Variants in SRGAP1 observed in about 807,000 individuals in gnomAD.
SRGAP1 encodes SLIT-ROBO Rho GTPase-activating protein 1.
A neutral mutation model predicts 121.9 loss-of-function variants in SRGAP1; 43 were observed. The observed-to-expected ratio is 0.35, with a 90% CI of 0.28 to 0.46. The LOEUF is 0.46. Among genes scored for constraint, SRGAP1 ranks in the 20% least tolerant of loss-of-function variants. The pLI is 1.00. For synonymous variants in SRGAP1, 447 were observed against 485.4 expected, an observed-to-expected ratio of 0.92 and a Z score of 1.04; for missense variants, 1,102 against 1,350.9, an observed-to-expected ratio of 0.82 and a Z score of 2.89.
At position 64,144,010 on chromosome 12, in the gene SRGAP1, G is replaced by T. The variant is rs2037009885; in HGVS notation, c.*1338G>T. 6.6e-6 allele frequency: 1 copy of T among 152,018 alleles called. No homozygotes were observed. Among genetic ancestry groups the T allele is most frequent in the Non-Finnish European group, 1.5e-5 (1 of 68,044 alleles). The allele number at this position is 152,018 out of a possible 1,614,324, so 9.4% of individuals were successfully genotyped here. A position where few individuals can be genotyped will look rare whatever the true frequency, so the allele number is the denominator to read the frequency against. ...CTTTTTGGTTTTGGTTTTGTATGTG[G>T]GCTCTATGTAACTCCCATAGTCAGC... On this transcript the variant is annotated 3_prime_UTR_variant, in exon 22 of 22. Coordinates refer to ENST00000355086, the MANE Select transcript of SRGAP1 (RefSeq NM_020762.4).
At position 64,097,238 on chromosome 12, in the gene SRGAP1, T is replaced by A. The variant is rs79038246; in HGVS notation, c.1679-3T>A. 1.3e-6 allele frequency: 2 copies of A among 1,567,874 alleles called. No individual in the cohort carries two copies. The highest frequency in any genetic ancestry group is 1.7e-6 in the Non-Finnish European group (2 of 1,168,278). The stretch of plus-strand genomic sequence containing the variant: ...ATGTAATGAGTTTTTTTTTTTTTTT[T>A]AGGTGAAAATCCTTTGGCTGATGAC... On this transcript the variant is annotated splice_region_variant and splice_polypyrimidine_tract_variant and intron_variant, in intron 14 of 21. Transcript: ENST00000355086.
chr12:64,026,865 CA>C (rs35172854), intron 4 of SRGAP1, among the ~76,000 whole-genome samples: 153 of 133,946 alleles, frequency 1.1e-3, no homozygotes, highest in Middle Eastern at 7.9e-3. Context: ...GACTCCATCT[CA>C]AAAAAAAAAA....
intron 1 of SRGAP1, among the ~76,000 whole-genome samples, chr12:63,861,728 C>G (rs561890801): frequency 2.6e-5 from 4 of 152,064 alleles, no homozygotes; most frequent in African/African-American, 9.7e-5. Flanking sequence ...TGGCTTATTC[C>G]GTAATCCCAA....
intron 1 of SRGAP1, among the ~76,000 whole-genome samples, chr12:63,918,435 T>A (rs953643023): frequency 3.3e-5 from 5 of 152,138 alleles, no homozygotes; most frequent in African/African-American, 1.2e-4. Flanking sequence ...TCTCTTTTTT[T>A]AAGACAAGCC....
At chr12:64,065,599 G>A (rs539287333) in intron 8 of SRGAP1, among the ~76,000 whole-genome samples, 1 of 152,250 alleles carries the variant, frequency 6.6e-6, no homozygotes, top group African/African-American at 2.4e-5. Flanking sequence ...TTGTAGAGAT[G>A]GGGCCTTGCT....
chr12:64,071,339 C>G (rs1001531620), intron 8 of SRGAP1, among the ~76,000 whole-genome samples: 1 of 152,092 alleles, frequency 6.6e-6, no homozygotes, highest in Admixed American at 6.5e-5. Context: ...AGAAACCACT[C>G]GTTTTCTCTG....
chr12:64,001,623 C>T (rs1256119573), intron 3 of SRGAP1, among the ~76,000 whole-genome samples: 1 of 152,300 alleles, frequency 6.6e-6, no homozygotes, highest in East Asian at 1.9e-4. Context: ...CCAAATATTA[C>T]ACATATATTG....
chr12:64,008,502 AT>A (rs1477721450), intron 3 of SRGAP1, among the ~76,000 whole-genome samples: 4 of 152,178 alleles, frequency 2.6e-5, no homozygotes, highest in Non-Finnish European at 4.4e-5. Flanking sequence ...TTTCGTTTAA[AT>A]TTTTAAAGAT....
chr12:63,865,227 C>G (rs1043309403), intron 1 of SRGAP1, among the ~76,000 whole-genome samples: 25 of 152,162 alleles, frequency 1.6e-4, no homozygotes, highest in African/African-American at 6.0e-4. Flanking sequence ...GAGGCTGAGG[C>G]GGGCAGATCA....
At chr12:63,866,897 C>G (rs1368725252) in intron 1 of SRGAP1, among the ~76,000 whole-genome samples, 4 of 150,444 alleles carry the variant, frequency 2.7e-5, no homozygotes, top group African/African-American at 9.8e-5. Context: ...GAGACAGGCT[C>G]TCACTCTGTC....
In SRGAP1 at chr12:64,065,937, G is replaced by C. The variant is rs150397335; in HGVS notation, c.1125+718G>C. Among the ~76,000 whole-genome samples, 558 of 152,304 alleles carry C rather than the reference G, an allele frequency of 3.7e-3. 2 individuals carry two copies. Among genetic ancestry groups the C allele is most frequent in the African/African-American group, 0.013 (534 of 41,562 alleles). On this transcript the variant is annotated intron_variant, in intron 8 of 21. Coordinates refer to ENST00000355086, the MANE Select transcript of SRGAP1 (RefSeq NM_020762.4). ...TATAAAATATGATTTATCAATATAT[G>C]TTGAGCTAGGAAGCAATTATACAAT... is the stretch of plus-strand genomic sequence containing the variant.
At position 63,844,840 on chromosome 12, in the gene SRGAP1, G is replaced by A. The variant is rs371778163; in HGVS notation, c.24G>A (p.Lys8=). Residue 8 remains lysine (K), a synonymous_variant, in exon 1 of 22, where the codon AAG becomes AAA. Transcript: ENST00000355086. The surrounding 1 kb of genome is among the most constrained non-coding windows in gnomAD (Gnocchi z 4.3). MSTPSRF[K]KDKEIIAEYE... ...TAATGTCCACCCCGAGCCGATTCAA[G>A]AAGGACAAAGAGATCATAGCCGAGT... is the stretch of plus-strand genomic sequence containing the variant. 1.3e-5 allele frequency: 21 copies of A among 1,614,068 alleles called. No homozygotes were observed. The highest frequency in any genetic ancestry group is 1.6e-5 in the Non-Finnish European group (19 of 1,180,050).
chr12:64,087,040 T>G lies in SRGAP1; in HGVS notation c.1436+14T>G. On this transcript the variant is annotated intron_variant, in intron 11 of 21. Transcript: ENST00000355086. ...TATGACTACAAGGTAGGAAAATATT[T>G]TATCATAACTTATAGCGTATTTTAC... 6.4e-7 allele frequency: 1 copy of G among 1,568,626 alleles called. No individual in the cohort carries two copies. Among genetic ancestry groups the G allele is most frequent in the Non-Finnish European group, 8.7e-7 (1 of 1,148,818 alleles).
intron 4 of SRGAP1, among the ~76,000 whole-genome samples, chr12:64,035,083 G>A (rs1287597248): frequency 6.6e-6 from 1 of 151,778 alleles, no homozygotes; most frequent in Non-Finnish European, 1.5e-5. Flanking sequence ...AAACTTTCTG[G>A]TTTCACTTGC....
intron 1 of SRGAP1, among the ~76,000 whole-genome samples, chr12:63,850,203 C>T (rs554149058): frequency 1.3e-5 from 2 of 152,176 alleles, no homozygotes; most frequent in South Asian, 4.2e-4. Context: ...CCCTGAAAAC[C>T]CGGTTAGTTT....
At chr12:64,111,641 T>C (rs2036431311) in intron 16 of SRGAP1, 121 bp from the exon 17 acceptor site, 1 of 815,570 alleles carries the variant, frequency 1.2e-6, no homozygotes, top group African/African-American at 1.7e-5. Context: ...TCTTTGGAGT[T>C]TGCTGAGCCA....
rs2037062004 is a variant in SRGAP1, at chr12:64,146,999, A to G, written c.*4327A>G. Reference sequence around the variant, plus strand: ...TACTGGGTTCCATAATGCTTATCTTAGAAACTTTAGTAAAAGAAAATATAT... The same window carrying G: ...TACTGGGTTCCATAATGCTTATCTTGGAAACTTTAGTAAAAGAAAATATAT... On this transcript the variant is annotated 3_prime_UTR_variant, in exon 22 of 22. Coordinates refer to ENST00000355086, the MANE Select transcript of SRGAP1 (RefSeq NM_020762.4). 6.5e-6 allele frequency: 1 copy of G among 152,692 alleles called. No individual in the cohort carries two copies. The allele number at this position is 152,692 out of a possible 1,614,324, so 9.5% of individuals were successfully genotyped here.
chr12:64,152,630 A>G lies in SRGAP1; in HGVS notation c.*9958A>G, dbSNP rs10748001. ...GCCATAGCAAGCTACCTTTCTTTGA[A>G]AATGTGATGCTGTGTGCTCCCTCCG... On this transcript the variant is annotated 3_prime_UTR_variant, in exon 22 of 22. Coordinates refer to ENST00000355086, the MANE Select transcript of SRGAP1 (RefSeq NM_020762.4). 66,845 of 151,990 alleles carry G rather than the reference A, an allele frequency of 0.44. 15,031 individuals are homozygous for G. The highest frequency in any genetic ancestry group is 0.62 in the East Asian group (3,212 of 5,150). The allele number at this position is 151,990 out of a possible 1,614,324, so 9.4% of individuals were successfully genotyped here. A position where few individuals can be genotyped will look rare whatever the true frequency, so the allele number is the denominator to read the frequency against.
intron 3 of SRGAP1, among the ~76,000 whole-genome samples, chr12:64,012,266 T>C (rs917771310): frequency 4.6e-5 from 7 of 152,158 alleles, no homozygotes; most frequent in Non-Finnish European, 1.0e-4. Context: ...GGAATTAAAC[T>C]CTGGGTTTAT....
Sources: gnomAD v4.1 joint callset for allele counts (sites outside exome capture counted in the v4.1 genomes callset) on GRCh38, gnomAD v4.1.1 for gene constraint, Gnocchi (gnomAD v3.1) non-coding constraint, MANE v1.5 for transcripts, NCBI Gene and HGNC (gene_info 2026-07-23, HGNC 2026-07-21) for gene names.